The following XPR1 variants were observed in gnomAD, a reference collection of about 807,000 sequenced individuals.
The protein encoded by XPR1 is xenotropic and polytropic retrovirus receptor 1.
XPR1 carries 28 observed loss-of-function variants against 87.5 expected under a neutral mutation model. The observed-to-expected ratio is 0.32, with a 90% CI of 0.24 to 0.44. The LOEUF (loss-of-function observed/expected upper bound fraction) is 0.44, where lower values mean the gene tolerates loss of function less well. XPR1 is among the 20% of genes least tolerant of loss of function. The probability of loss-of-function intolerance (pLI) is 1.00; values close to 1 mark genes in which losing one functional copy is unlikely to be tolerated. For synonymous variants in XPR1, 300 were observed against 306.1 expected, an observed-to-expected ratio of 0.98 and a Z score of 0.21; for missense variants, 559 against 862.3, an observed-to-expected ratio of 0.65 and a Z score of 4.41.
intron 4 of XPR1, 149 bp from the exon 5 acceptor site, chr1:180,805,913 T>A: frequency 1.3e-6 from 1 of 743,888 alleles, no homozygotes; most frequent in Non-Finnish European, 2.1e-6. Context: ...GTCATCCTTT[T>A]AGTAGTAGAT....
At chr1:180,826,678 A>G (rs943285215) in intron 9 of XPR1, among the ~76,000 whole-genome samples, 6 of 152,138 alleles carry the variant, frequency 3.9e-5, no homozygotes, top group Non-Finnish European at 8.8e-5. Context: ...TCTCTATAAA[A>G]ACTTTCAGAA....
intron 2 of XPR1, among the ~76,000 whole-genome samples, chr1:180,697,781 T>C (rs751355177): frequency 5.9e-5 from 9 of 152,200 alleles, no homozygotes; most frequent in Non-Finnish European, 1.3e-4. Flanking sequence ...TATTGATTTA[T>C]AGTTTTATTC....
intron 2 of XPR1, among the ~76,000 whole-genome samples, chr1:180,717,850 T>C (rs1658050517): frequency 6.6e-6 from 1 of 152,176 alleles, no homozygotes; most frequent in African/African-American, 2.4e-5. Context: ...AGCACACTAC[T>C]ATTAGGTTGG....
chr1:180,684,632 C>T (rs997944022), intron 2 of XPR1, among the ~76,000 whole-genome samples: 1 of 152,106 alleles, frequency 6.6e-6, no homozygotes, highest in African/African-American at 2.4e-5. Flanking sequence ...ATGGAATGTT[C>T]TTCCATTTTT....
intron 11 of XPR1, among the ~76,000 whole-genome samples, chr1:180,841,851 C>A (rs752891632): frequency 5.3e-5 from 8 of 151,490 alleles, no homozygotes; most frequent in Non-Finnish European, 1.2e-4. Flanking sequence ...AAATTTTTAA[C>A]CAAAAAGCTT....
intron 11 of XPR1, among the ~76,000 whole-genome samples, chr1:180,851,684 C>T (rs1399296538): frequency 6.6e-6 from 1 of 151,970 alleles, no homozygotes; most frequent in African/African-American, 2.4e-5. Flanking sequence ...TAAAAATAAG[C>T]CTAGACACAC....
chr1:180,726,821 A>G (rs529686189), intron 2 of XPR1, among the ~76,000 whole-genome samples: 14 of 152,186 alleles, frequency 9.2e-5, no homozygotes, highest in African/African-American at 3.4e-4. Flanking sequence ...TTAACATGTA[A>G]TGGATTTATT....
intron 2 of XPR1, among the ~76,000 whole-genome samples, chr1:180,741,021 G>T (rs1284392707): frequency 6.6e-6 from 1 of 152,100 alleles, no homozygotes; most frequent in Non-Finnish European, 1.5e-5. Context: ...ATCACATTGG[G>T]GGTTAGGATG....
intron 3 of XPR1, among the ~76,000 whole-genome samples, chr1:180,803,041 T>C (rs1056653536): frequency 5.9e-5 from 9 of 152,184 alleles, no homozygotes. Context: ...CTCTCTTAAG[T>C]ATATGCCTAG....
chr1:180,856,864 A>T (rs970619398), intron 11 of XPR1, among the ~76,000 whole-genome samples: 1 of 152,206 alleles, frequency 6.6e-6, no homozygotes, highest in Non-Finnish European at 1.5e-5. Flanking sequence ...CTCCCCAAAG[A>T]TACCTAGAGC....
chr1:180,675,319 T>C (rs1656329390), intron 1 of XPR1, among the ~76,000 whole-genome samples: 1 of 152,104 alleles, frequency 6.6e-6, no homozygotes, highest in Non-Finnish European at 1.5e-5. Context: ...GACAGGGTAA[T>C]AGTCAATTAT....
At chr1:180,671,633 T>C (rs1346623724) in intron 1 of XPR1, among the ~76,000 whole-genome samples, 1 of 152,136 alleles carries the variant, frequency 6.6e-6, no homozygotes, top group Non-Finnish European at 1.5e-5. Flanking sequence ...CAAATGATTC[T>C]CTTGCCTCAG....
chr1:180,859,062 A>C (rs1652131959), intron 11 of XPR1, among the ~76,000 whole-genome samples: 1 of 13,398 alleles, frequency 7.5e-5, no homozygotes, highest in East Asian at 0.015. Flanking sequence ...TTTTATTTCA[A>C]ACCAGTTCTC....
chr1:180,800,880 G>A (rs946142797), intron 3 of XPR1, among the ~76,000 whole-genome samples: 1 of 152,148 alleles, frequency 6.6e-6, no homozygotes, highest in African/African-American at 2.4e-5. Context: ...TTGAACTAGC[G>A]TTGATCTGGA....
intron 11 of XPR1, among the ~76,000 whole-genome samples, chr1:180,836,996 T>C (rs999760012): frequency 1.3e-5 from 2 of 152,242 alleles, no homozygotes; most frequent in African/African-American, 4.8e-5. Context: ...TCTATGGATA[T>C]CTTGGGTTTC....
intron 7 of XPR1, among the ~76,000 whole-genome samples, chr1:180,822,188 A>C (rs538326501): frequency 2.4e-4 from 37 of 152,340 alleles, no homozygotes; most frequent in Non-Finnish European, 3.7e-4. Flanking sequence ...AAGTCTTGAC[A>C]AAGTACTGAA....
intron 11 of XPR1, among the ~76,000 whole-genome samples, chr1:180,849,477 G>A (rs1164742872): frequency 6.6e-6 from 1 of 152,164 alleles, no homozygotes; most frequent in Non-Finnish European, 1.5e-5. Context: ...GTCTAATTGA[G>A]TAGGATTAGG....
At chr1:180,878,580 A>G (rs1303827484) in intron 13 of XPR1, among the ~76,000 whole-genome samples, 2 of 152,152 alleles carry the variant, frequency 1.3e-5, no homozygotes, top group African/African-American at 4.8e-5. Flanking sequence ...CATGTCTTTT[A>G]CTGATGACAC....
At chr1:180,744,106 A>G (rs557336957) in intron 2 of XPR1, among the ~76,000 whole-genome samples, 1 of 152,216 alleles carries the variant, frequency 6.6e-6, no homozygotes, top group Admixed American at 6.5e-5. Flanking sequence ...GTTGACATGA[A>G]TGTTAGACTT....
Sources: gnomAD v4.1 joint callset for allele counts (sites outside exome capture counted in the v4.1 genomes callset) on GRCh38, gnomAD v4.1.1 for gene constraint, MANE v1.5 for transcripts, NCBI Gene and HGNC (gene_info 2026-07-23, HGNC 2026-07-21) for gene names.